Variants in CEP112 observed in about 807,000 individuals in gnomAD.
CEP112 encodes the protein centrosomal protein of 112 kDa.
In CEP112, 127 loss-of-function variants were observed where a neutral mutation model predicts 153.0. The observed-to-expected ratio is 0.83, with a 90% CI of 0.72 to 0.96. The LOEUF (loss-of-function observed/expected upper bound fraction) is 0.96. CEP112 is among the 40% of genes least tolerant of loss of function. The pLI is 0.00. For missense variants in CEP112, 1,089 were observed against 1,101.2 expected (o/e 0.99, Z 0.16); for synonymous variants, 358 against 374.4 (o/e 0.96, Z 0.51).
At chr17:66,067,866 T>A (rs1568454779) in intron 9 of CEP112, among the ~76,000 whole-genome samples, 1 of 152,128 alleles carries the variant, frequency 6.6e-6, no homozygotes, top group East Asian at 1.9e-4. Context: ...CACATTGCAC[T>A]GGGATAGAAT....
intron 23 of CEP112, among the ~76,000 whole-genome samples, chr17:65,694,353 G>C (rs2048262148): frequency 6.6e-6 from 1 of 152,128 alleles, no homozygotes; most frequent in Non-Finnish European, 1.5e-5. Context: ...AGAAGGCAGG[G>C]TAACATAACT....
intron 18 of CEP112, among the ~76,000 whole-genome samples, chr17:65,929,779 C>G (rs1221013698): frequency 6.6e-6 from 1 of 152,172 alleles, no homozygotes; most frequent in African/African-American, 2.4e-5. Flanking sequence ...GCACAGTGTA[C>G]CCAACTTGGT....
chr17:66,115,993 A>G (rs2069272220), intron 6 of CEP112, among the ~76,000 whole-genome samples: 1 of 152,186 alleles, frequency 6.6e-6, no homozygotes, highest in South Asian at 2.1e-4. Context: ...CAGCCCCAAA[A>G]TGAAGGCCAC....
intron 19 of CEP112, among the ~76,000 whole-genome samples, chr17:65,923,449 G>A (rs1210862515): frequency 6.6e-6 from 1 of 152,158 alleles, no homozygotes; most frequent in Non-Finnish European, 1.5e-5. Flanking sequence ...GGAGGCTAAG[G>A]CAGGAGGACT....
At chr17:66,046,375 G>T (rs966812113) in intron 12 of CEP112, among the ~76,000 whole-genome samples, 15 of 152,110 alleles carry the variant, frequency 9.9e-5, no homozygotes, top group Non-Finnish European at 2.9e-5. Flanking sequence ...CCCAAAGAAA[G>T]CATACACCAT....
intron 17 of CEP112, among the ~76,000 whole-genome samples, chr17:65,982,405 A>G (rs1322099213): frequency 6.6e-6 from 1 of 152,224 alleles, no homozygotes; most frequent in African/African-American, 2.4e-5. Context: ...TATCCTAACT[A>G]GATAGAAACA....
At chr17:66,189,806 G>A (rs2073093749) in intron 1 of CEP112, among the ~76,000 whole-genome samples, 1 of 152,114 alleles carries the variant, frequency 6.6e-6, no homozygotes, top group South Asian at 2.1e-4. Context: ...CAAGGTGAGT[G>A]GATCATTTGA....
At chr17:66,033,259 A>G (rs1013649624) in intron 12 of CEP112, among the ~76,000 whole-genome samples, 1 of 125,392 alleles carries the variant, frequency 8.0e-6, no homozygotes, top group Non-Finnish European at 1.7e-5. Context: ...ACATACAAGA[A>G]AACTATACAT....
chr17:65,679,981 A>G (rs966098034), intron 24 of CEP112, among the ~76,000 whole-genome samples: 15 of 152,386 alleles, frequency 9.8e-5, no homozygotes, highest in African/African-American at 3.4e-4. Context: ...CCAGAGACCT[A>G]GGAAGGAATC....
intron 4 of CEP112, among the ~76,000 whole-genome samples, chr17:66,135,209 T>C (rs1388547592): frequency 2.0e-5 from 3 of 152,154 alleles, no homozygotes; most frequent in African/African-American, 7.2e-5. Context: ...CAGCTTCTTG[T>C]GAAGGCATTT....
At chr17:65,682,799 C>G (rs1038354197) in intron 24 of CEP112, among the ~76,000 whole-genome samples, 4 of 152,192 alleles carry the variant, frequency 2.6e-5, no homozygotes, top group Non-Finnish European at 5.9e-5. Flanking sequence ...ACTAGAATGT[C>G]CTTCCTCTCT....
intron 8 of CEP112, among the ~76,000 whole-genome samples, chr17:66,074,218 T>G (rs192090674): frequency 6.6e-6 from 1 of 152,042 alleles, no homozygotes; most frequent in South Asian, 2.1e-4. Context: ...ATTCACTAGA[T>G]GAGCTTAATG....
intron 21 of CEP112, among the ~76,000 whole-genome samples, chr17:65,776,308 T>C (rs11868129): frequency 0.53 from 80,771 of 152,060 alleles, 23,305 homozygotes; most frequent in Non-Finnish European, 0.66. Flanking sequence ...AATCTCGGCT[T>C]GCTGCAAGCT....
chr17:65,976,735 C>CTTTTTTTTT lies in CEP112; in HGVS notation c.1737-15146_1737-15138dup, dbSNP rs771108755. On this transcript the variant is annotated intron_variant, in intron 17 of 26. Coordinates refer to ENST00000535342, the MANE Select transcript of CEP112 (RefSeq NM_001199165.4). ...TTTTAAAGTAAACTTATAACTTTTT[C>CTTTTTTTTT]TTTTTTTTTTTTTTTTTTTGAGACA... Among the ~76,000 whole-genome samples, 101 of 85,312 alleles carry CTTTTTTTTT rather than the reference C, an allele frequency of 1.2e-3. 1 individual carries two copies. Among genetic ancestry groups the CTTTTTTTTT allele is most frequent in the Non-Finnish European group, 1.7e-3 (73 of 43,692 alleles). The allele number at this position is 85,312 out of a possible 152,430, so 56.0% of individuals were successfully genotyped here. A position where few individuals can be genotyped will look rare whatever the true frequency, so the allele number is the denominator to read the frequency against.
chr17:65,932,226 C>T (rs751162768), intron 18 of CEP112, among the ~76,000 whole-genome samples: 2 of 152,138 alleles, frequency 1.3e-5, no homozygotes, highest in Non-Finnish European at 2.9e-5. Context: ...TCAGCTGGTC[C>T]ATCCAGAATC....
intron 24 of CEP112, among the ~76,000 whole-genome samples, chr17:65,669,473 A>T (rs2046857819): frequency 6.6e-6 from 1 of 152,204 alleles, no homozygotes; most frequent in Non-Finnish European, 1.5e-5. Context: ...ATGGGGATAG[A>T]TGATATCATT....
In CEP112 at chr17:66,175,109, A is replaced by AT; in HGVS notation, c.404dup (p.Asn135LysfsTer2). On this transcript the variant is annotated frameshift_variant, in exon 4 of 27. Coordinates refer to ENST00000535342, the MANE Select transcript of CEP112 (RefSeq NM_001199165.4). LOFTEE classifies it high-confidence loss of function. Reference sequence around the variant, plus strand: ...CTCCAGAAGAGAGTTTCCATGATTCATTTAATTTGTGTTCACTTGTCTCCA... The same window carrying AT: ...CTCCAGAAGAGAGTTTCCATGATTCATTTTAATTTGTGTTCACTTGTCTCCA... 1 of 1,613,316 alleles carries AT rather than the reference A, an allele frequency of 6.2e-7. No individual in the cohort carries two copies. The highest frequency in any genetic ancestry group is 8.5e-7 in the Non-Finnish European group (1 of 1,179,652).
At chr17:65,784,167 A>G (rs1043714868) in intron 21 of CEP112, among the ~76,000 whole-genome samples, 1 of 152,234 alleles carries the variant, frequency 6.6e-6, no homozygotes, top group African/African-American at 2.4e-5. Context: ...AGCGATCAAA[A>G]GGAGAATTTG....
At chr17:66,149,372 T>G (rs1022365429) in intron 4 of CEP112, among the ~76,000 whole-genome samples, 1 of 152,240 alleles carries the variant, frequency 6.6e-6, no homozygotes, top group East Asian at 1.9e-4. Flanking sequence ...AAGTGTTTCC[T>G]CTTCAATGTT....
Sources: allele counts gnomAD v4.1 joint callset (sites outside exome capture counted in the v4.1 genomes callset), GRCh38; gene constraint gnomAD v4.1.1; transcripts MANE v1.5; gene names NCBI Gene and HGNC (gene_info 2026-07-23, HGNC 2026-07-21).